The following PABPC4L variants were observed in gnomAD, a reference collection of about 807,000 sequenced individuals.
The protein encoded by PABPC4L is polyadenylate-binding protein 4-like.
For missense variants in PABPC4L, 452 were observed against 451.4 expected (o/e 1.00, Z -0.01); for synonymous variants, 169 against 164.1 (o/e 1.03, Z -0.23).
the PABPC4L span, among the ~76,000 whole-genome samples, chr4:134,168,806 G>A: frequency 2.6e-5 from 4 of 152,030 alleles, no homozygotes; most frequent in South Asian, 4.1e-4. Context: ...CCCAGGATCT[G>A]ATGATTTCTC....
chr4:134,072,783 A>C, the PABPC4L span, among the ~76,000 whole-genome samples: 1 of 152,254 alleles, frequency 6.6e-6, no homozygotes, highest in African/African-American at 2.4e-5. Flanking sequence ...TGAAAGGGGA[A>C]GCAAACACAT....
chr4:134,110,503 G>C, the PABPC4L span, among the ~76,000 whole-genome samples: 2 of 150,546 alleles, frequency 1.3e-5, no homozygotes, highest in Non-Finnish European at 3.0e-5. Context: ...AAATAGAAAA[G>C]TACAATAAAA....
chr4:133,995,764 T>C, the PABPC4L span, among the ~76,000 whole-genome samples: 2 of 152,152 alleles, frequency 1.3e-5, no homozygotes, highest in Admixed American at 1.3e-4. Flanking sequence ...CCCGGCCACT[T>C]GATTCTGGTT....
chr4:134,163,232 C>T, the PABPC4L span, among the ~76,000 whole-genome samples: 4 of 152,062 alleles, frequency 2.6e-5, no homozygotes, highest in African/African-American at 9.7e-5. Context: ...GAATACCCCT[C>T]TATACATACA....
At chr4:134,007,998 C>A in the PABPC4L span, among the ~76,000 whole-genome samples, 1 of 151,392 alleles carries the variant, frequency 6.6e-6, no homozygotes, top group African/African-American at 2.4e-5. Context: ...ATAATGAAAT[C>A]TGTTATTCAA....
chr4:134,019,054 T>C, the PABPC4L span, among the ~76,000 whole-genome samples: 1 of 152,136 alleles, frequency 6.6e-6, no homozygotes, highest in Non-Finnish European at 1.5e-5. Flanking sequence ...TTGAATAGTA[T>C]GCATAAATGT....
At chr4:134,139,928 T>A in the PABPC4L span, among the ~76,000 whole-genome samples, 1 of 151,866 alleles carries the variant, frequency 6.6e-6, no homozygotes, top group South Asian at 2.1e-4. Flanking sequence ...AGAAATTGTT[T>A]ATGGTGATGC....
At chr4:134,057,563 C>CA in the PABPC4L span, among the ~76,000 whole-genome samples, 1 of 152,070 alleles carries the variant, frequency 6.6e-6, no homozygotes, top group African/African-American at 2.4e-5. Flanking sequence ...GACCCTATTA[C>CA]TGCTCATTGA....
the PABPC4L span, among the ~76,000 whole-genome samples, chr4:134,046,399 C>T: frequency 0.069 from 10,506 of 152,158 alleles, 503 homozygotes; most frequent in Admixed American, 0.096. Flanking sequence ...ATTTCGCCTC[C>T]AGCCACAGGG....
At chr4:134,067,202 A>G in the PABPC4L span, among the ~76,000 whole-genome samples, 1 of 152,048 alleles carries the variant, frequency 6.6e-6, no homozygotes, top group Non-Finnish European at 1.5e-5. Context: ...TACTTATTCA[A>G]TTTTGGAACT....
At chr4:134,089,231 C>A in the PABPC4L span, among the ~76,000 whole-genome samples, 188 of 152,082 alleles carry the variant, frequency 1.2e-3, no homozygotes, top group African/African-American at 4.4e-3. Context: ...TTAGACTATT[C>A]TTTCAATTTT....
At chr4:134,116,837 C>T in the PABPC4L span, among the ~76,000 whole-genome samples, 2 of 151,510 alleles carry the variant, frequency 1.3e-5, no homozygotes, top group African/African-American at 2.4e-5. Context: ...TCCAGTAGTT[C>T]CTTCATTTGA....
At chr4:134,016,077 C>A in the PABPC4L span, among the ~76,000 whole-genome samples, 3 of 152,232 alleles carry the variant, frequency 2.0e-5, no homozygotes, top group Middle Eastern at 3.4e-3. Flanking sequence ...CATCTTTCAT[C>A]TTCCTCACCC....
At chr4:133,985,716 G>A in the PABPC4L span, among the ~76,000 whole-genome samples, 1 of 151,796 alleles carries the variant, frequency 6.6e-6, no homozygotes, top group Non-Finnish European at 1.5e-5. Context: ...GAAGTATTTG[G>A]GGTTTGTTTT....
At chr4:134,163,773 C>T in the PABPC4L span, among the ~76,000 whole-genome samples, 4 of 152,002 alleles carry the variant, frequency 2.6e-5, no homozygotes, top group African/African-American at 9.7e-5. Flanking sequence ...ATACAGAAAA[C>T]ACATTCAATA....
At chr4:134,006,308 A>C in the PABPC4L span, among the ~76,000 whole-genome samples, 1 of 151,824 alleles carries the variant, frequency 6.6e-6, no homozygotes, top group South Asian at 2.1e-4. Flanking sequence ...GTTACATCAC[A>C]TCTTGTACAA....
chr4:133,966,001 A>G, the PABPC4L span, among the ~76,000 whole-genome samples: 1 of 152,166 alleles, frequency 6.6e-6, no homozygotes, highest in African/African-American at 2.4e-5. Flanking sequence ...CTTTTGCACA[A>G]CAAAAGGAAC....
At chr4:133,997,214 C>T in the PABPC4L span, among the ~76,000 whole-genome samples, 6 of 152,248 alleles carry the variant, frequency 3.9e-5, no homozygotes, top group Admixed American at 3.3e-4. Context: ...AGGAGTCATA[C>T]ATCTCTCGCT....
At chr4:134,020,808 A>G in the PABPC4L span, among the ~76,000 whole-genome samples, 1 of 152,152 alleles carries the variant, frequency 6.6e-6, no homozygotes, top group African/African-American at 2.4e-5. Flanking sequence ...GAGATTATAA[A>G]TATAGGTATA....
Sources: allele counts gnomAD v4.1 joint callset (sites outside exome capture counted in the v4.1 genomes callset), GRCh38; gene constraint gnomAD v4.1.1; transcripts MANE v1.5; gene names NCBI Gene and HGNC (gene_info 2026-07-23, HGNC 2026-07-21).